PPFIBP1: variants seen among roughly 807,000 people sequenced by gnomAD.
PPFIBP1 encodes PPFIB scaffold protein 1, also known as liprin-beta-1.
Under a neutral mutation model 137.8 loss-of-function variants are expected in PPFIBP1, and 112 were observed. That is an observed-to-expected ratio of 0.81 (90% CI 0.70 to 0.95). PPFIBP1 has a LOEUF of 0.95. Ranked by LOEUF, PPFIBP1 falls within the 40% of genes least tolerant of loss-of-function variation. PPFIBP1 has a pLI of 0.00. For missense variants in PPFIBP1, 1,083 were observed against 1,196.6 expected, an observed-to-expected ratio of 0.91 and a Z score of 1.40; for synonymous variants, 378 against 417.3, an observed-to-expected ratio of 0.91 and a Z score of 1.15.
At chr12:27,678,566 T>A (rs1001963298) in intron 19 of PPFIBP1, among the ~76,000 whole-genome samples, 1 of 152,068 alleles carries the variant, frequency 6.6e-6, no homozygotes, top group South Asian at 2.1e-4. Flanking sequence ...AATAAGAACA[T>A]TTAAGAGACG....
At chr12:27,581,482 C>T (rs1015075098) in intron 2 of PPFIBP1, among the ~76,000 whole-genome samples, 6 of 152,228 alleles carry the variant, frequency 3.9e-5, no homozygotes, top group Non-Finnish European at 8.8e-5. Flanking sequence ...TGTATCATCA[C>T]TCCACCCTGT....
At chr12:27,638,012 T>G (rs1034779595) in intron 4 of PPFIBP1, among the ~76,000 whole-genome samples, 8 of 152,066 alleles carry the variant, frequency 5.3e-5, no homozygotes, top group African/African-American at 1.7e-4. Context: ...AATAGTCAAA[T>G]TTTAGAGACA....
At chr12:27,677,491 A>C (rs1357115099) in intron 19 of PPFIBP1, 1 of 214,736 alleles carries the variant, frequency 4.7e-6, no homozygotes, top group Non-Finnish European at 9.4e-6. Flanking sequence ...CAGCCTCCAA[A>C]AAGAAATTTT....
At chr12:27,636,782 A>G (rs2057707981) in intron 4 of PPFIBP1, 2 of 152,258 alleles carry the variant, frequency 1.3e-5, no homozygotes, top group South Asian at 4.1e-4. Flanking sequence ...AAGGCCTCGT[A>G]GGATTTGCCC....
intron 15 of PPFIBP1, among the ~76,000 whole-genome samples, chr12:27,673,083 TTC>T (rs1169928782): frequency 2.0e-5 from 3 of 152,234 alleles, no homozygotes; most frequent in African/African-American, 7.2e-5. Flanking sequence ...ATTTATATTA[TTC>T]TGTTTCGTAG....
At chr12:27,628,974 T>C (rs1340075526) in intron 2 of PPFIBP1, among the ~76,000 whole-genome samples, 1 of 152,182 alleles carries the variant, frequency 6.6e-6, no homozygotes, top group African/African-American at 2.4e-5. Context: ...TGCTGGAGTA[T>C]TTAAAGCTGA....
intron 2 of PPFIBP1, among the ~76,000 whole-genome samples, chr12:27,594,851 AT>A (rs778544214): frequency 6.6e-6 from 1 of 152,234 alleles, no homozygotes; most frequent in Non-Finnish European, 1.5e-5. Context: ...ATATATCCAC[AT>A]ATCCATATAT....
chr12:27,573,514 G>T lies in PPFIBP1; in HGVS notation c.-123-4638G>T, dbSNP rs75915998. On this transcript the variant is annotated intron_variant, in intron 1 of 29. Coordinates refer to ENST00000228425, the MANE Select transcript of PPFIBP1 (RefSeq NM_003622.4). ...TGGCCTCAGAAACAGGAGTAGATAT[G>T]ATATACTGAAGAAAAAGCCGGCCAT... Among the ~76,000 whole-genome samples the T allele has an allele frequency of 4.0e-3, 612 of 152,196 alleles. 3 individuals carry two copies. Among genetic ancestry groups the T allele is most frequent in the Middle Eastern group, 0.02 (6 of 294 alleles).
intron 2 of PPFIBP1, among the ~76,000 whole-genome samples, chr12:27,587,733 C>G (rs2051957606): frequency 6.6e-6 from 1 of 151,646 alleles, no homozygotes; most frequent in African/African-American, 2.4e-5. Flanking sequence ...ATATTTTCCC[C>G]ATCTTTGTTT....
chr12:27,630,301 A>C (rs1190546595), intron 2 of PPFIBP1, among the ~76,000 whole-genome samples: 1 of 151,978 alleles, frequency 6.6e-6, no homozygotes, highest in African/African-American at 2.4e-5. Flanking sequence ...TTTTTGCTTC[A>C]TGTATTTGGA....
chr12:27,690,979 A>C (rs1357428697), intron 27 of PPFIBP1, among the ~76,000 whole-genome samples: 1 of 151,484 alleles, frequency 6.6e-6, no homozygotes, highest in Admixed American at 6.6e-5. Context: ...GGTCCTCCAG[A>C]AATTTGTGCC....
intron 1 of PPFIBP1, chr12:27,547,147 T>C (rs1487057777): frequency 6.6e-6 from 1 of 152,248 alleles, no homozygotes; most frequent in East Asian, 1.9e-4. Context: ...ATATGTCTTT[T>C]GTGGGCAGCC....
chr12:27,534,764 G>A (rs1944806134), intron 1 of PPFIBP1, among the ~76,000 whole-genome samples: 1 of 152,172 alleles, frequency 6.6e-6, no homozygotes, highest in Non-Finnish European at 1.5e-5. Flanking sequence ...GAAATACTCT[G>A]TAGAAAGGAG....
chr12:27,598,939 G>A (rs1210801252), intron 2 of PPFIBP1, among the ~76,000 whole-genome samples: 1 of 152,120 alleles, frequency 6.6e-6, no homozygotes, highest in Non-Finnish European at 1.5e-5. Flanking sequence ...CTGTAATAAA[G>A]CTTCTTGAAG....
intron 22 of PPFIBP1, 82 bp from the exon 23 acceptor site, chr12:27,682,305 C>T: frequency 1.0e-6 from 1 of 960,910 alleles, no homozygotes; most frequent in East Asian, 2.4e-5. Context: ...ATGCTAGCTT[C>T]ATTTTGGAGA....
At chr12:27,674,978 GTTT>G (rs67715002) in intron 17 of PPFIBP1, among the ~76,000 whole-genome samples, 14 of 144,966 alleles carry the variant, frequency 9.7e-5, no homozygotes, top group South Asian at 6.8e-4. Flanking sequence ...ATACTCGGCT[GTTT>G]TTTTTTTTCG....
chr12:27,619,550 A>G (rs1326343374), intron 2 of PPFIBP1, among the ~76,000 whole-genome samples: 1 of 152,176 alleles, frequency 6.6e-6, no homozygotes, highest in Non-Finnish European at 1.5e-5. Context: ...CCTTCCTTTG[A>G]TGGATGAGGG....
rs869044515 is a variant in PPFIBP1 at position 27,563,277 on chromosome 12, T to TAAAAAAAAAAAAAA, written c.-123-14858_-123-14845dup. Among the ~76,000 whole-genome samples, 13 of 22,174 alleles carry TAAAAAAAAAAAAAA rather than the reference T, an allele frequency of 5.9e-4. 2 individuals are homozygous for TAAAAAAAAAAAAAA. The highest frequency in any genetic ancestry group is 2.2e-3 in the African/African-American group (10 of 4,472). 14.5% of individuals were successfully genotyped at this position (22,174 alleles called of 152,430 possible). On this transcript the variant is annotated intron_variant, in intron 1 of 29. Transcript: ENST00000228425. ...TAACACGGTGAAAACCCATCTCTAC[T>TAAAAAAAAAAAAAA]AAAAAAAAAAAAAAAAAAAAAAAAA...
At position 27,680,040 on chromosome 12, in the gene PPFIBP1, G is replaced by A. The variant is rs142422262; in HGVS notation, c.1874G>A (p.Arg625Gln). The change falls in exon 21 of 30, where the codon CGA (arginine) becomes CAA (glutamine). Residue 625 changes from arginine (R) to glutamine (Q), a missense_variant. Transcript: ENST00000228425. The part of the protein sequence containing the change: ...ATAGPRLGWS[R>Q]DLGQSNSDLD... The stretch of plus-strand genomic sequence containing the variant: ...GCGGGGCCCCGATTAGGTTGGTCTC[G>A]AGACTTGGGACAGTCTAACAGGTAA... The A allele has an allele frequency of 1.2e-5, 19 of 1,613,944 alleles. No homozygotes were observed. Among genetic ancestry groups the A allele is most frequent in the Middle Eastern group, 1.6e-4 (1 of 6,076 alleles).
Sources: allele counts gnomAD v4.1 joint callset (sites outside exome capture counted in the v4.1 genomes callset), GRCh38; gene constraint gnomAD v4.1.1; transcripts MANE v1.5; gene names NCBI Gene and HGNC (gene_info 2026-07-23, HGNC 2026-07-21).